The following SSBP2 variants were observed in gnomAD, a reference collection of about 807,000 sequenced individuals.
SSBP2 encodes the protein single stranded DNA binding protein 2, also known as single-stranded DNA-binding protein 2.
A neutral mutation model predicts 61.8 loss-of-function variants in SSBP2; 17 were observed. The ratio of observed to expected loss-of-function variants is 0.28; its 90% CI spans 0.19 to 0.41. The LOEUF (loss-of-function observed/expected upper bound fraction) is 0.41, where lower values mean the gene tolerates loss of function less well. Ranked by LOEUF, SSBP2 falls within the 10% of genes least tolerant of loss-of-function variation. The pLI is 1.00. For missense variants in SSBP2, 310 were observed against 458.7 expected, an observed-to-expected ratio of 0.68 and a Z score of 2.96; for synonymous variants, 139 against 141.3, an observed-to-expected ratio of 0.98 and a Z score of 0.12.
At chr5:81,575,447 T>C (rs1053043150) in intron 4 of SSBP2, among the ~76,000 whole-genome samples, 2 of 152,126 alleles carry the variant, frequency 1.3e-5, no homozygotes, top group Non-Finnish European at 2.9e-5. Flanking sequence ...GAAATGGTAA[T>C]AGTATTATTT....
chr5:81,531,735 G>A (rs930963793), intron 4 of SSBP2, among the ~76,000 whole-genome samples: 5 of 152,082 alleles, frequency 3.3e-5, no homozygotes, highest in Non-Finnish European at 7.4e-5. Context: ...GAACAAGACA[G>A]TAAAGTGGAG....
chr5:81,733,965 A>G (rs1581442783), intron 1 of SSBP2, among the ~76,000 whole-genome samples: 2 of 152,358 alleles, frequency 1.3e-5, no homozygotes, highest in Non-Finnish European at 1.5e-5. Context: ...CCTTGCAATT[A>G]TATGAAAAAA....
At chr5:81,658,183 G>A (rs773257509) in intron 1 of SSBP2, among the ~76,000 whole-genome samples, 5 of 152,034 alleles carry the variant, frequency 3.3e-5, no homozygotes, top group Non-Finnish European at 7.4e-5. Context: ...TAATCTAAAT[G>A]AACTTTTGTT....
At chr5:81,667,519 CT>C (rs1483270063) in intron 1 of SSBP2, among the ~76,000 whole-genome samples, 1 of 152,058 alleles carries the variant, frequency 6.6e-6, no homozygotes, top group Non-Finnish European at 1.5e-5. Flanking sequence ...ACTATATGGA[CT>C]CATTCTAACA....
intron 4 of SSBP2, among the ~76,000 whole-genome samples, chr5:81,529,191 A>G (rs929812963): frequency 6.6e-6 from 1 of 152,140 alleles, no homozygotes; most frequent in African/African-American, 2.4e-5. Context: ...AATACAGAGT[A>G]GTAAAAACAC....
intron 3 of SSBP2, among the ~76,000 whole-genome samples, chr5:81,631,359 C>T (rs1386353907): frequency 6.6e-6 from 1 of 151,998 alleles, no homozygotes; most frequent in Non-Finnish European, 1.5e-5. Context: ...CATTAAATAA[C>T]GTTCCAAGGA....
upstream of SSBP2, among the ~76,000 whole-genome samples, chr5:81,751,442 CCCCGCGCCG>C (rs1411363188): frequency 1.3e-5 from 2 of 152,242 alleles, no homozygotes; most frequent in African/African-American, 4.8e-5. Context: ...CCACCCCTCC[CCCCGCGCCG>C]CCCGCGCTCA....
At chr5:81,540,846 T>C (rs926280914) in intron 4 of SSBP2, among the ~76,000 whole-genome samples, 6 of 151,644 alleles carry the variant, frequency 4.0e-5, no homozygotes, top group Admixed American at 1.3e-4. Context: ...AAGCATGACA[T>C]GAAATGTAAC....
At chr5:81,459,915 AAC>A (rs2153996776) in intron 10 of SSBP2, among the ~76,000 whole-genome samples, 1 of 152,366 alleles carries the variant, frequency 6.6e-6, no homozygotes, top group Admixed American at 6.5e-5. Context: ...GAAATTAAAT[AAC>A]ACACTGAAGA....
intron 14 of SSBP2, among the ~76,000 whole-genome samples, chr5:81,439,696 C>G (rs6874237): frequency 0.45 from 58,731 of 129,338 alleles, 16,046 homozygotes; most frequent in African/African-American, 0.8. Context: ...TTTTGAGATG[C>G]AGTCTTGCTC....
Position 81,750,974 on chromosome 5 carries a change from CACTT to C in SSBP2, c.62+3_62+6del, listed in dbSNP as rs1757729806. On this transcript the variant is annotated splice_donor_5th_base_variant and intron_variant, in intron 1 of 16. Coordinates refer to ENST00000320672, the MANE Select transcript of SSBP2 (RefSeq NM_012446.5). ...GGCGGAGGTGGGTGAGAAGCGGAGA[CACTT>C]ACTTCTCCCGGGCCTGGCTGTCGGA... 1.3e-6 allele frequency: 2 copies of C among 1,590,562 alleles called. No individual in the cohort carries two copies. Among genetic ancestry groups the C allele is most frequent in the Admixed American group, 1.8e-5 (1 of 56,938 alleles).
At chr5:81,516,739 C>T (rs746516241) in intron 4 of SSBP2, among the ~76,000 whole-genome samples, 4 of 152,104 alleles carry the variant, frequency 2.6e-5, no homozygotes, top group Middle Eastern at 3.4e-3. Flanking sequence ...GCCTAACCTG[C>T]TAATTTATAT....
At chr5:81,639,624 C>CAA (rs879913101) in intron 2 of SSBP2, among the ~76,000 whole-genome samples, 4 of 134,590 alleles carry the variant, frequency 3.0e-5, no homozygotes, top group East Asian at 2.2e-4. Context: ...AGAAAGATCT[C>CAA]AAAAAAAAAA....
At chr5:81,601,929 A>G (rs749602310) in intron 4 of SSBP2, among the ~76,000 whole-genome samples, 4 of 152,196 alleles carry the variant, frequency 2.6e-5, no homozygotes, top group Non-Finnish European at 5.9e-5. Flanking sequence ...GACAATTGCA[A>G]TAGATACTCC....
chr5:81,457,134 G>A (rs1764217231), intron 10 of SSBP2, among the ~76,000 whole-genome samples: 1 of 152,134 alleles, frequency 6.6e-6, no homozygotes, highest in African/African-American at 2.4e-5. Context: ...TTAAAGAAGT[G>A]GCTGTTTCCA....
chr5:81,421,554 G>A (rs775013324), intron 16 of SSBP2, among the ~76,000 whole-genome samples: 2 of 152,066 alleles, frequency 1.3e-5, no homozygotes, highest in African/African-American at 2.4e-5. Flanking sequence ...TGTTACATGC[G>A]GACTTGTCAG....
At chr5:81,464,344 A>C (rs1207565098) in intron 9 of SSBP2, among the ~76,000 whole-genome samples, 1 of 152,166 alleles carries the variant, frequency 6.6e-6, no homozygotes, top group East Asian at 1.9e-4. Context: ...ATGCATTAGA[A>C]AATTATATTT....
At chr5:81,565,051 G>A (rs917885697) in intron 4 of SSBP2, among the ~76,000 whole-genome samples, 9 of 152,140 alleles carry the variant, frequency 5.9e-5, no homozygotes, top group East Asian at 3.9e-4. Context: ...AAAGCATTAC[G>A]CATAGTCTTC....
At chr5:81,435,354 A>G (rs1468974964) in intron 15 of SSBP2, among the ~76,000 whole-genome samples, 3 of 152,216 alleles carry the variant, frequency 2.0e-5, no homozygotes, top group Non-Finnish European at 2.9e-5. Context: ...CTCCTGCCTA[A>G]GAATAAACCA....
Sources: allele counts gnomAD v4.1 joint callset (sites outside exome capture counted in the v4.1 genomes callset), GRCh38; gene constraint gnomAD v4.1.1; transcripts MANE v1.5; gene names NCBI Gene and HGNC (gene_info 2026-07-23, HGNC 2026-07-21).